The following VPS13B variants were observed in gnomAD, a reference collection of about 807,000 sequenced individuals.
VPS13B encodes vacuolar protein sorting 13 homolog B, also known as intermembrane lipid transfer protein VPS13B.
Under a neutral mutation model 426.4 loss-of-function variants are expected in VPS13B, and 285 were observed. That is an observed-to-expected ratio of 0.67 (90% CI 0.61 to 0.74). The LOEUF is 0.74. Ranked by LOEUF, VPS13B falls within the 30% of genes least tolerant of loss-of-function variation. VPS13B has a pLI of 0.00. For missense variants in VPS13B, 4,537 were observed against 4,782.6 expected (o/e 0.95, Z 1.51); for synonymous variants, 1,676 against 1,676.4 (o/e 1.00, Z 0.01).
chr8:99,198,334 C>T (rs1232561498), intron 17 of VPS13B, among the ~76,000 whole-genome samples: 1 of 151,918 alleles, frequency 6.6e-6, no homozygotes, highest in Non-Finnish European at 1.5e-5. Flanking sequence ...TATTGTCTCA[C>T]AATATTAATG....
chr8:99,790,269 C>T lies in VPS13B; in HGVS notation c.7941+5793C>T, dbSNP rs563784125. On this transcript the variant is annotated intron_variant, in intron 43 of 61. Transcript: ENST00000357162. Reference sequence around the variant, plus strand: ...CCTGTCCAGAAACCATCACATGCTACACCATGATTTATTAAATAATATCCA... The same window carrying T: ...CCTGTCCAGAAACCATCACATGCTATACCATGATTTATTAAATAATATCCA... 1.6e-4 allele frequency among the ~76,000 whole-genome samples: 25 copies of T among 152,252 alleles called. No homozygotes were observed. In the South Asian group the frequency reaches 1.9e-3, roughly 11 times the overall value.
Position 99,865,998 on chromosome 8 carries a change from A to G in VPS13B, c.11216-2291A>G, listed in dbSNP as rs1327794000. ...TTCCTCCTCCTGCGCCTTCCAAGGC[A>G]CAACAGGCAATAGCTCCTGTGTCCT... On this transcript the variant is annotated intron_variant, in intron 58 of 61. Coordinates refer to ENST00000357162, the MANE Select transcript of VPS13B (RefSeq NM_152564.5). Among the ~76,000 whole-genome samples, 4 of 152,204 alleles carry G rather than the reference A, an allele frequency of 2.6e-5. No individual in the cohort carries two copies. In the East Asian group the frequency reaches 7.7e-4, roughly 29 times the overall value.
At chr8:99,722,471 A>G (rs1285305664) in intron 39 of VPS13B, among the ~76,000 whole-genome samples, 1 of 151,552 alleles carries the variant, frequency 6.6e-6, no homozygotes, top group Non-Finnish European at 1.5e-5. Flanking sequence ...AATCAGCTAC[A>G]TATTAATATA....
At chr8:99,414,895 C>G (rs2133367180) in intron 21 of VPS13B, among the ~76,000 whole-genome samples, 1 of 152,210 alleles carries the variant, frequency 6.6e-6, no homozygotes, top group East Asian at 1.9e-4. Context: ...TGGGTTTGCT[C>G]TTCTCAAGGA....
At chr8:99,731,948 GA>G (rs1247199046) in intron 39 of VPS13B, among the ~76,000 whole-genome samples, 4 of 152,130 alleles carry the variant, frequency 2.6e-5, no homozygotes, top group Non-Finnish European at 5.9e-5. Flanking sequence ...TTACAATGAA[GA>G]AGCTGAGGAT....
intron 54 of VPS13B, among the ~76,000 whole-genome samples, chr8:99,845,109 A>G (rs1815912968): frequency 6.6e-6 from 1 of 152,158 alleles, no homozygotes; most frequent in Admixed American, 6.5e-5. Flanking sequence ...ATCGATTTCT[A>G]CTGTCTGACC....
intron 2 of VPS13B, among the ~76,000 whole-genome samples, chr8:99,036,970 C>T (rs1842774051): frequency 6.6e-6 from 1 of 152,044 alleles, no homozygotes; most frequent in African/African-American, 2.4e-5. Flanking sequence ...GGGAAGATTC[C>T]TGACCCTTCA....
chr8:99,650,821 TTCCACATC>T (rs1332932320), intron 34 of VPS13B, among the ~76,000 whole-genome samples: 1 of 152,150 alleles, frequency 6.6e-6, no homozygotes, highest in African/African-American at 2.4e-5. Context: ...TATTCATGGG[TTCCACATC>T]TGTGGATTCA....
At chr8:99,417,669 A>C (rs936831092) in intron 21 of VPS13B, among the ~76,000 whole-genome samples, 2 of 152,198 alleles carry the variant, frequency 1.3e-5, no homozygotes, top group Non-Finnish European at 2.9e-5. Context: ...AGAGACATTC[A>C]TATCTTTACT....
intron 3 of VPS13B, among the ~76,000 whole-genome samples, chr8:99,054,378 A>G (rs1013500291): frequency 6.6e-6 from 1 of 152,184 alleles, no homozygotes; most frequent in African/African-American, 2.4e-5. Context: ...TGGGTTTGCA[A>G]TCTTTGACCA....
At chr8:99,777,079 T>G in intron 41 of VPS13B, 123 bp downstream of exon 41, 3 of 1,248,324 alleles carry the variant, frequency 2.4e-6, no homozygotes, top group Non-Finnish European at 3.5e-6. Flanking sequence ...AAGCGAGCAG[T>G]GGCAAAGTTA....
chr8:99,040,164 A>G (rs1842912681), intron 3 of VPS13B, among the ~76,000 whole-genome samples: 1 of 152,148 alleles, frequency 6.6e-6, no homozygotes, highest in Admixed American at 6.5e-5. Context: ...GATGTCCCTT[A>G]AGAAACATGT....
chr8:99,072,665 G>C (rs1844911665), intron 3 of VPS13B, among the ~76,000 whole-genome samples: 1 of 152,066 alleles, frequency 6.6e-6, no homozygotes, highest in Non-Finnish European at 1.5e-5. Context: ...TAAAATCTTT[G>C]CCTAGATGAG....
At chr8:99,023,460 C>T (rs558150801) in intron 2 of VPS13B, among the ~76,000 whole-genome samples, 1 of 151,650 alleles carries the variant, frequency 6.6e-6, no homozygotes, top group South Asian at 2.1e-4. Flanking sequence ...TGTGTACACA[C>T]CACATTTTCT....
chr8:99,772,917 T>C (rs575287075), intron 40 of VPS13B, among the ~76,000 whole-genome samples: 53 of 152,296 alleles, frequency 3.5e-4, no homozygotes, highest in African/African-American at 1.3e-3. Flanking sequence ...AGAATTTATG[T>C]GAACCAACGT....
intron 3 of VPS13B, among the ~76,000 whole-genome samples, chr8:99,039,768 A>T (rs537203027): frequency 6.6e-6 from 1 of 152,134 alleles, no homozygotes; most frequent in African/African-American, 2.4e-5. Context: ...ATATCAACCC[A>T]GTGGACTCAG....
chr8:99,353,277 C>T (rs1811996480), intron 19 of VPS13B, among the ~76,000 whole-genome samples: 1 of 152,186 alleles, frequency 6.6e-6, no homozygotes, highest in Admixed American at 6.5e-5. Context: ...AGCCACCACG[C>T]CCGACCACAC....
Position 99,875,534 on chromosome 8 carries a change from T to C in VPS13B, c.11862T>C (p.Pro3954=). The stretch of plus-strand genomic sequence containing the variant: ...GTTCTTCCATGCAAATACCATGCCC[T>C]GTGGTGGCTGCAGAACCTCCCCCCT... ...PSCSSMQIPC[P]VVAAEPPPST... The change falls in exon 62 of 62, where the codon CCT becomes CCC. Residue 3954 remains proline, a synonymous_variant. Coordinates refer to ENST00000357162, the MANE Select transcript of VPS13B (RefSeq NM_152564.5). 1 of 1,614,086 alleles carries C rather than the reference T, an allele frequency of 6.2e-7. No homozygotes were observed. Among genetic ancestry groups the C allele is most frequent in the Non-Finnish European group, 8.5e-7 (1 of 1,179,944 alleles).
chr8:99,730,786 T>C (rs1833568061), intron 39 of VPS13B, among the ~76,000 whole-genome samples: 1 of 151,800 alleles, frequency 6.6e-6, no homozygotes, highest in Non-Finnish European at 1.5e-5. Context: ...AGGGTACCTG[T>C]AGGTACAGGT....
Sources: gnomAD v4.1 joint callset for allele counts (sites outside exome capture counted in the v4.1 genomes callset) on GRCh38, gnomAD v4.1.1 for gene constraint, MANE v1.5 for transcripts, NCBI Gene and HGNC (gene_info 2026-07-23, HGNC 2026-07-21) for gene names.